The following NPAS3 variants were observed in gnomAD, a reference collection of about 807,000 sequenced individuals.
NPAS3 encodes the protein neuronal PAS domain protein 3.
Under a neutral mutation model 73.1 loss-of-function variants are expected in NPAS3, and 14 were observed. That is an observed-to-expected ratio of 0.19 (90% CI 0.13 to 0.30). NPAS3 has a LOEUF of 0.30. NPAS3 is among the 10% of genes least tolerant of loss of function. The pLI is 1.00. For missense variants in NPAS3, 1,096 were observed against 1,250.0 expected (o/e 0.88, Z 1.86); for synonymous variants, 620 against 541.5 (o/e 1.14, Z -2.01).
rs1001103314 is a variant in NPAS3 at position 32,988,538 on chromosome 14, A to C, written c.50+49172A>C. Reference sequence around the variant, plus strand: ...AACATGTTTAGGATTCAAGCTTTCAACTGGTCTGTTGTTATATGAGAGAAA... The same window carrying C: ...AACATGTTTAGGATTCAAGCTTTCACCTGGTCTGTTGTTATATGAGAGAAA... On this transcript the variant is annotated intron_variant, in intron 1 of 11. Transcript: ENST00000356141. 2.2e-4 allele frequency among the ~76,000 whole-genome samples: 34 copies of C among 152,238 alleles called. 1 individual carries two copies. Among genetic ancestry groups the C allele is most frequent in the Admixed American group, 2.6e-4 (4 of 15,278 alleles).
chr14:33,647,360 T>C (rs1188333707), intron 5 of NPAS3, among the ~76,000 whole-genome samples: 1 of 151,908 alleles, frequency 6.6e-6, no homozygotes, highest in Admixed American at 6.6e-5. Context: ...GCTTCTTTAG[T>C]AATATTTTTG....
At chr14:33,061,674 A>G (rs1298161145) in intron 2 of NPAS3, among the ~76,000 whole-genome samples, 1 of 152,206 alleles carries the variant, frequency 6.6e-6, no homozygotes, top group Non-Finnish European at 1.5e-5. Context: ...CATTTAACAA[A>G]TATATTTTAA....
At chr14:33,363,521 A>G (rs2045699908) in intron 3 of NPAS3, among the ~76,000 whole-genome samples, 1 of 152,048 alleles carries the variant, frequency 6.6e-6, no homozygotes, top group Non-Finnish European at 1.5e-5. Flanking sequence ...AAACCAATAA[A>G]CCCTTCTCCC....
chr14:33,649,013 C>T (rs935841480), intron 5 of NPAS3, among the ~76,000 whole-genome samples: 1 of 152,204 alleles, frequency 6.6e-6, no homozygotes, highest in African/African-American at 2.4e-5. Flanking sequence ...TTCCCAAGAA[C>T]TTACCATTGG....
intron 2 of NPAS3, among the ~76,000 whole-genome samples, chr14:33,111,632 C>CTGCACA (rs144569335): frequency 0.11 from 15,951 of 151,124 alleles, 1,384 homozygotes; most frequent in African/African-American, 0.23. Flanking sequence ...TATTGAAGAC[C>CTGCACA]TGCACAGTTC....
At chr14:33,638,699 C>T (rs1452526922) in intron 5 of NPAS3, among the ~76,000 whole-genome samples, 2 of 152,214 alleles carry the variant, frequency 1.3e-5, no homozygotes, top group Admixed American at 6.5e-5. Context: ...CAGTCCAGAA[C>T]TAGAAATGTC....
intron 6 of NPAS3, among the ~76,000 whole-genome samples, chr14:33,702,617 A>G (rs775309009): frequency 1.4e-4 from 22 of 152,164 alleles, no homozygotes; most frequent in Non-Finnish European, 2.2e-4. Flanking sequence ...CTAACATTCA[A>G]TGGATTGACT....
intron 3 of NPAS3, among the ~76,000 whole-genome samples, chr14:33,260,463 C>T (rs1294166113): frequency 1.3e-5 from 2 of 152,022 alleles, no homozygotes; most frequent in African/African-American, 4.8e-5. Context: ...CATCATGCAC[C>T]CGTACATTTT....
At chr14:32,965,866 G>A (rs2037131662) in intron 1 of NPAS3, among the ~76,000 whole-genome samples, 1 of 152,112 alleles carries the variant, frequency 6.6e-6, no homozygotes, top group African/African-American at 2.4e-5. Flanking sequence ...TAGTAAAATT[G>A]CAGGATATAA....
chr14:33,557,419 C>T (rs1214070081), intron 4 of NPAS3, among the ~76,000 whole-genome samples: 1 of 152,190 alleles, frequency 6.6e-6, no homozygotes, highest in Non-Finnish European at 1.5e-5. Flanking sequence ...ATTGTTTGAA[C>T]ACAAATTGTT....
intron 2 of NPAS3, among the ~76,000 whole-genome samples, chr14:33,079,971 T>C (rs971534360): frequency 7.9e-5 from 12 of 152,144 alleles, no homozygotes; most frequent in Non-Finnish European, 1.3e-4. Context: ...TGCATAGTAC[T>C]GTTGGGCAAT....
chr14:33,446,574 A>T (rs929986195), intron 4 of NPAS3, among the ~76,000 whole-genome samples: 1 of 152,134 alleles, frequency 6.6e-6, no homozygotes, highest in African/African-American at 2.4e-5. Context: ...CTCGGAAGAG[A>T]TGGAGAAAAA....
intron 1 of NPAS3, among the ~76,000 whole-genome samples, chr14:32,993,948 T>G (rs2139499444): frequency 6.6e-6 from 1 of 152,352 alleles, no homozygotes; most frequent in South Asian, 2.1e-4. Flanking sequence ...TTTGTTTACA[T>G]AAACAGGATC....
At chr14:33,724,519 AG>A (rs2061208762) in intron 6 of NPAS3, among the ~76,000 whole-genome samples, 1 of 152,126 alleles carries the variant, frequency 6.6e-6, no homozygotes, top group African/African-American at 2.4e-5. Flanking sequence ...CTGTAGTCCC[AG>A]CTACTCAGGA....
At chr14:33,751,617 A>C (rs6571615) in intron 7 of NPAS3, among the ~76,000 whole-genome samples, 18,067 of 152,178 alleles carry the variant, frequency 0.12, 2,326 homozygotes, top group African/African-American at 0.32. Flanking sequence ...AATATAAGCA[A>C]AACCTACATT....
At chr14:33,766,108 T>C (rs1340252243) in intron 7 of NPAS3, among the ~76,000 whole-genome samples, 2 of 152,210 alleles carry the variant, frequency 1.3e-5, no homozygotes, top group Non-Finnish European at 2.9e-5. Flanking sequence ...CTCATTTTAA[T>C]AATTTGGGTG....
chr14:33,073,311 G>A (rs974867451), intron 2 of NPAS3, among the ~76,000 whole-genome samples: 25 of 152,190 alleles, frequency 1.6e-4, no homozygotes, highest in Admixed American at 1.6e-3. Context: ...TTTAGTGAAT[G>A]CCTACTAAGT....
intron 5 of NPAS3, among the ~76,000 whole-genome samples, chr14:33,626,825 G>C (rs544897686): frequency 1.3e-5 from 2 of 152,120 alleles, no homozygotes; most frequent in African/African-American, 4.8e-5. Flanking sequence ...CATACAAAGG[G>C]ATAAGAAAGA....
intron 2 of NPAS3, among the ~76,000 whole-genome samples, chr14:33,145,308 A>G (rs1381719912): frequency 6.6e-6 from 1 of 152,226 alleles, no homozygotes; most frequent in Non-Finnish European, 1.5e-5. Context: ...TAAGTTGACA[A>G]GAGATTACCT....
Sources: gnomAD v4.1 joint callset for allele counts (sites outside exome capture counted in the v4.1 genomes callset) on GRCh38, gnomAD v4.1.1 for gene constraint, MANE v1.5 for transcripts, NCBI Gene and HGNC (gene_info 2026-07-23, HGNC 2026-07-21) for gene names.